Variants in KCNB2 observed in about 807,000 individuals in gnomAD.
KCNB2 encodes the protein delayed rectifier potassium channel protein.
A neutral mutation model predicts 61.5 loss-of-function variants in KCNB2; 15 were observed. The observed-to-expected ratio is 0.24, with a 90% CI of 0.16 to 0.38. The LOEUF is 0.38. Ranked by LOEUF, KCNB2 falls within the 10% of genes least tolerant of loss-of-function variation. The pLI is 1.00. For synonymous variants in KCNB2, 457 were observed against 446.0 expected (o/e 1.02, Z -0.31); for missense variants, 828 against 1,125.2 (o/e 0.74, Z 3.78).
chr8:72,796,092 A>G (rs1411613398), intron 2 of KCNB2, among the ~76,000 whole-genome samples: 1 of 152,204 alleles, frequency 6.6e-6, no homozygotes, highest in East Asian at 1.9e-4. Flanking sequence ...TACCCTTTTA[A>G]GGCTCCATCT....
intron 2 of KCNB2, among the ~76,000 whole-genome samples, chr8:72,828,408 T>C (rs191891837): frequency 6.6e-6 from 1 of 152,198 alleles, no homozygotes; most frequent in African/African-American, 2.4e-5. Context: ...ATTCATCATA[T>C]GGCCCTAGCA....
intron 2 of KCNB2, among the ~76,000 whole-genome samples, chr8:72,730,346 C>G (rs1346627204): frequency 6.6e-6 from 1 of 152,096 alleles, no homozygotes; most frequent in Non-Finnish European, 1.5e-5. Context: ...CTAAAAGAGC[C>G]TTTGATGAAA....
chr8:72,914,084 C>A (rs1348330798), intron 2 of KCNB2, among the ~76,000 whole-genome samples: 1 of 152,156 alleles, frequency 6.6e-6, no homozygotes. Context: ...AAGACACCAG[C>A]AGATTTAGTG....
At chr8:72,846,933 A>G (rs1810005792) in intron 2 of KCNB2, among the ~76,000 whole-genome samples, 1 of 152,246 alleles carries the variant, frequency 6.6e-6, no homozygotes, top group Non-Finnish European at 1.5e-5. Context: ...ATTATAAATC[A>G]TGCTGCTATA....
At chr8:72,721,120 A>AC (rs1178845697) in intron 2 of KCNB2, among the ~76,000 whole-genome samples, 1 of 152,232 alleles carries the variant, frequency 6.6e-6, no homozygotes, top group Non-Finnish European at 1.5e-5. Flanking sequence ...TTAAAGATAC[A>AC]CTAAAAAAAC....
intron 2 of KCNB2, among the ~76,000 whole-genome samples, chr8:72,652,431 C>A (rs886906718): frequency 5.9e-5 from 9 of 152,000 alleles, no homozygotes; most frequent in Non-Finnish European, 1.3e-4. Context: ...CCTGCCACAG[C>A]CAATGTTTTT....
chr8:72,912,509 T>TATATATAC (rs1200599242), intron 2 of KCNB2, among the ~76,000 whole-genome samples: 1 of 140,210 alleles, frequency 7.1e-6, no homozygotes, highest in African/African-American at 2.7e-5. Flanking sequence ...TATATATATA[T>TATATATAC]ATATATATGA....
In KCNB2 at chr8:72,574,716, G is replaced by A. The variant is rs144515233; in HGVS notation, c.579+6403G>A. On this transcript the variant is annotated intron_variant, in intron 2 of 2. Coordinates refer to ENST00000523207, the MANE Select transcript of KCNB2 (RefSeq NM_004770.3). ...ATTATCATTTTCAACGTTGAAAAAG[G>A]AGTTCTTTCTATATTACTTAGTGTT... Among the ~76,000 whole-genome samples the A allele has an allele frequency of 1.6e-3, 250 of 152,126 alleles. 2 individuals are homozygous for A. Among genetic ancestry groups the A allele is most frequent in the African/African-American group, 5.6e-3 (232 of 41,526 alleles).
intron 2 of KCNB2, among the ~76,000 whole-genome samples, chr8:72,692,018 C>T (rs990717824): frequency 4.6e-5 from 7 of 151,970 alleles, no homozygotes; most frequent in Non-Finnish European, 1.0e-4. Flanking sequence ...AGGCAGATCA[C>T]GAAGTCAGGA....
At chr8:72,666,652 GT>G (rs35646824) in intron 2 of KCNB2, among the ~76,000 whole-genome samples, 84,892 of 119,076 alleles carry the variant, frequency 0.71, 29,006 homozygotes, top group East Asian at 0.87. Context: ...AAAATAAAAA[GT>G]TTTTTTTTTT....
chr8:72,707,787 C>T (rs1440312297), intron 2 of KCNB2, among the ~76,000 whole-genome samples: 1 of 152,192 alleles, frequency 6.6e-6, no homozygotes, highest in African/African-American at 2.4e-5. Flanking sequence ...TTGGGAAATA[C>T]ACACTTTTGC....
At chr8:72,596,359 A>G (rs1303346165) in intron 2 of KCNB2, among the ~76,000 whole-genome samples, 9 of 152,208 alleles carry the variant, frequency 5.9e-5, no homozygotes, top group African/African-American at 1.4e-4. Context: ...GACCTTATCC[A>G]GGGAGTCATT....
chr8:72,911,345 G>A (rs1806287334), intron 2 of KCNB2, among the ~76,000 whole-genome samples: 1 of 152,184 alleles, frequency 6.6e-6, no homozygotes, highest in African/African-American at 2.4e-5. Flanking sequence ...CTGTGTTAGG[G>A]CCTTTGCCCT....
chr8:72,584,784 T>C (rs759411633), intron 2 of KCNB2, among the ~76,000 whole-genome samples: 1 of 152,170 alleles, frequency 6.6e-6, no homozygotes, highest in Non-Finnish European at 1.5e-5. Context: ...CCCTTTGGTA[T>C]TTGCTTTGTG....
intron 2 of KCNB2, among the ~76,000 whole-genome samples, chr8:72,788,623 G>A (rs947930521): frequency 3.3e-5 from 5 of 152,166 alleles, no homozygotes; most frequent in Admixed American, 6.5e-5. Flanking sequence ...GAAATGACCC[G>A]TCATGAAGGA....
At chr8:72,894,672 A>G (rs116434013) in intron 2 of KCNB2, among the ~76,000 whole-genome samples, 3,876 of 152,190 alleles carry the variant, frequency 0.025, 147 homozygotes, top group African/African-American at 0.086. Context: ...ATCCTTCCCA[A>G]TTCATCCTGT....
chr8:72,826,979 A>G (rs982026937), intron 2 of KCNB2, among the ~76,000 whole-genome samples: 1 of 152,250 alleles, frequency 6.6e-6, no homozygotes, highest in Non-Finnish European at 1.5e-5. Context: ...GCTGCAGAGA[A>G]AGGATCAAAC....
intron 2 of KCNB2, among the ~76,000 whole-genome samples, chr8:72,922,295 C>T (rs1272393938): frequency 6.6e-6 from 1 of 152,082 alleles, no homozygotes; most frequent in East Asian, 1.9e-4. Context: ...TGAATATGAC[C>T]TCATCATAAC....
intron 2 of KCNB2, among the ~76,000 whole-genome samples, chr8:72,697,399 A>G (rs1807034437): frequency 2.0e-5 from 3 of 152,160 alleles, no homozygotes; most frequent in Non-Finnish European, 2.9e-5. Flanking sequence ...TAATTCTCCA[A>G]CTAAATGCTG....
Sources: gnomAD v4.1 joint callset for allele counts (sites outside exome capture counted in the v4.1 genomes callset) on GRCh38, gnomAD v4.1.1 for gene constraint, MANE v1.5 for transcripts, NCBI Gene and HGNC (gene_info 2026-07-23, HGNC 2026-07-21) for gene names.